RGS7BP: variants seen among roughly 807,000 people sequenced by gnomAD.
RGS7BP encodes regulator of G protein signaling 7-binding protein.
A neutral mutation model predicts 31.3 loss-of-function variants in RGS7BP; 9 were observed. The observed-to-expected ratio is 0.29, with a 90% CI of 0.17 to 0.50. The LOEUF (loss-of-function observed/expected upper bound fraction) is 0.50. Ranked by LOEUF, RGS7BP falls within the 20% of genes least tolerant of loss-of-function variation. The pLI, the probability that RGS7BP is intolerant of heterozygous loss-of-function variation, is 0.98. For synonymous variants in RGS7BP, 115 were observed against 120.1 expected (o/e 0.96, Z 0.28); for missense variants, 274 against 322.0 (o/e 0.85, Z 1.14).
intron 2 of RGS7BP, among the ~76,000 whole-genome samples, chr5:64,517,011 G>A (rs1367115299): frequency 1.5e-5 from 2 of 136,252 alleles, no homozygotes; most frequent in Admixed American, 7.6e-5. Flanking sequence ...GTTTATTCTC[G>A]CCCAGAAAAA....
intron 2 of RGS7BP, among the ~76,000 whole-genome samples, chr5:64,547,074 T>A (rs1376507271): frequency 6.6e-6 from 1 of 152,240 alleles, no homozygotes; most frequent in Non-Finnish European, 1.5e-5. Context: ...CAAGTAGCAG[T>A]AGTTTTCTTC....
chr5:64,553,978 GT>G (rs1382976774), intron 2 of RGS7BP, among the ~76,000 whole-genome samples: 1 of 152,148 alleles, frequency 6.6e-6, no homozygotes, highest in Non-Finnish European at 1.5e-5. Context: ...GGGGCTTGTA[GT>G]TAGAAGATCA....
chr5:64,547,591 G>A (rs1580418898), intron 2 of RGS7BP, among the ~76,000 whole-genome samples: 1 of 152,246 alleles, frequency 6.6e-6, no homozygotes, highest in Non-Finnish European at 1.5e-5. Context: ...GATATTTTAT[G>A]AGAAATAAGT....
chr5:64,601,403 A>T, intron 5 of RGS7BP: 2 of 963,402 alleles, frequency 2.1e-6, no homozygotes, highest in Non-Finnish European at 2.5e-6. Flanking sequence ...TTTCTACTAC[A>T]GTCAAAACTC....
At chr5:64,527,376 A>T (rs955204658) in intron 2 of RGS7BP, among the ~76,000 whole-genome samples, 2 of 152,158 alleles carry the variant, frequency 1.3e-5, no homozygotes, top group Non-Finnish European at 2.9e-5. Flanking sequence ...ATATATTTTT[A>T]AATCTCAGCA....
At position 64,523,573 on chromosome 5, in the gene RGS7BP, G is replaced by T. The variant is rs1481133143; in HGVS notation, c.332+15696G>T. ...GTTTTATCACTTCGAGTTTATATTA[G>T]TAACTGTGACCTTTATCACCTTCTT... On this transcript the variant is annotated intron_variant, in intron 2 of 5. Coordinates refer to ENST00000334025, the MANE Select transcript of RGS7BP (RefSeq NM_001029875.3). Among the ~76,000 whole-genome samples the T allele has an allele frequency of 3.3e-5, 5 of 152,270 alleles. No homozygotes were observed. The East Asian group carries it at 9.6e-4, about 29-fold the overall frequency.
chr5:64,544,509 T>C (rs1283463460), intron 2 of RGS7BP, among the ~76,000 whole-genome samples: 1 of 106,748 alleles, frequency 9.4e-6, no homozygotes, highest in Admixed American at 8.6e-5. Flanking sequence ...ACCCTGTCTC[T>C]GAAAAAAAAA....
chr5:64,515,395 GTA>G (rs1748946261), intron 2 of RGS7BP, among the ~76,000 whole-genome samples: 3 of 152,164 alleles, frequency 2.0e-5, no homozygotes, highest in Non-Finnish European at 4.4e-5. Flanking sequence ...CAGGCAGTGT[GTA>G]TCTTAGGATT....
chr5:64,580,965 G>T (rs866621550), intron 3 of RGS7BP, among the ~76,000 whole-genome samples: 31 of 152,258 alleles, frequency 2.0e-4, no homozygotes, highest in Admixed American at 5.9e-4. Flanking sequence ...TGCAATCCTA[G>T]CACTTTGAGA....
intron 3 of RGS7BP, among the ~76,000 whole-genome samples, chr5:64,592,209 T>C (rs899413282): frequency 2.0e-5 from 3 of 152,140 alleles, no homozygotes; most frequent in African/African-American, 7.2e-5. Flanking sequence ...TTTTAAGACA[T>C]GTTAGCTAAA....
At chr5:64,509,108 A>G (rs187507570) in intron 2 of RGS7BP, among the ~76,000 whole-genome samples, 3 of 152,320 alleles carry the variant, frequency 2.0e-5, no homozygotes, top group Non-Finnish European at 4.4e-5. Context: ...ATTCTTAACA[A>G]GAAGTAAATC....
chr5:64,596,081 A>G (rs1310249330), intron 4 of RGS7BP, among the ~76,000 whole-genome samples: 2 of 152,244 alleles, frequency 1.3e-5, no homozygotes, highest in African/African-American at 2.4e-5. Context: ...CTGAAATGCC[A>G]TATCAGGGCA....
intron 2 of RGS7BP, among the ~76,000 whole-genome samples, chr5:64,575,354 C>A (rs1218872189): frequency 6.6e-6 from 1 of 152,018 alleles, no homozygotes; most frequent in Non-Finnish European, 1.5e-5. Context: ...TATACTAGGG[C>A]CCTAATATTA....
intron 2 of RGS7BP, among the ~76,000 whole-genome samples, chr5:64,543,145 T>C (rs1741566512): frequency 6.6e-6 from 1 of 152,238 alleles, no homozygotes; most frequent in Admixed American, 6.5e-5. Context: ...AGGACACTCA[T>C]AGGAGACTTA....
intron 4 of RGS7BP, among the ~76,000 whole-genome samples, chr5:64,596,386 T>A (rs575678036): frequency 6.6e-6 from 1 of 152,198 alleles, no homozygotes; most frequent in Non-Finnish European, 1.5e-5. Context: ...CTTAAAATAC[T>A]GATGGCTGGG....
At position 64,506,566 on chromosome 5, in the gene RGS7BP, C is replaced by A. The variant is rs896447075; in HGVS notation, c.-59C>A. 5 of 1,507,640 alleles carry A rather than the reference C, an allele frequency of 3.3e-6. No individual in the cohort carries two copies. The highest frequency in any genetic ancestry group is 3.6e-6 in the Non-Finnish European group (4 of 1,111,624). 93.4% of individuals were successfully genotyped at this position (1,507,640 alleles called of 1,614,324 possible). On this transcript the variant is annotated 5_prime_UTR_variant, in exon 1 of 6. Transcript: ENST00000334025. The surrounding 1 kb of genome is among the most constrained non-coding windows in gnomAD (Gnocchi z 4.6). ...TGGCGGCGGCGCCCAGGGCAACAACCGGGCCGCCCGCGCCGGGGCGCACTG... is the reference window on the plus strand; with the variant it reads ...TGGCGGCGGCGCCCAGGGCAACAACAGGGCCGCCCGCGCCGGGGCGCACTG...
chr5:64,552,609 G>A (rs544668754), intron 2 of RGS7BP, among the ~76,000 whole-genome samples: 2 of 152,300 alleles, frequency 1.3e-5, no homozygotes, highest in African/African-American at 4.8e-5. Flanking sequence ...AATCTGGAAT[G>A]AGAATTTCCA....
Position 64,568,164 on chromosome 5 carries a change from C to T in RGS7BP, c.333-7610C>T, listed in dbSNP as rs146261608. On this transcript the variant is annotated intron_variant, in intron 2 of 5. Transcript: ENST00000334025. The stretch of plus-strand genomic sequence containing the variant: ...AAAATAAACTAATCCTAGCTATATT[C>T]GTGGAGAAGGGCTGTGTTCTAGCCA... Among the ~76,000 whole-genome samples, 4 of 152,094 alleles carry T rather than the reference C, an allele frequency of 2.6e-5. No individual in the cohort carries two copies. The South Asian group carries it at 6.3e-4, about 24-fold the overall frequency.
chr5:64,545,086 G>T (rs1452111916), intron 2 of RGS7BP, among the ~76,000 whole-genome samples: 4 of 151,792 alleles, frequency 2.6e-5, no homozygotes, highest in African/African-American at 9.7e-5. Context: ...TGAGGCAGGA[G>T]AATAGCTTGA....
Sources: gnomAD v4.1 joint callset for allele counts (sites outside exome capture counted in the v4.1 genomes callset) on GRCh38, gnomAD v4.1.1 for gene constraint, Gnocchi (gnomAD v3.1) non-coding constraint, MANE v1.5 for transcripts, NCBI Gene and HGNC (gene_info 2026-07-23, HGNC 2026-07-21) for gene names.